The following RBFOX1 variants were observed in gnomAD, a reference collection of about 807,000 sequenced individuals.
The protein encoded by RBFOX1 is RNA binding fox-1 homolog 1.
Under a neutral mutation model 57.7 loss-of-function variants are expected in RBFOX1, and 8 were observed. That is an observed-to-expected ratio of 0.14 (90% confidence interval 0.08 to 0.25). The LOEUF is 0.25. Ranked by LOEUF, RBFOX1 falls within the 10% of genes least tolerant of loss-of-function variation. The pLI is 1.00. For missense variants in RBFOX1, 611 were observed against 548.5 expected, an observed-to-expected ratio of 1.11 and a Z score of -1.14; for synonymous variants, 326 against 222.4, an observed-to-expected ratio of 1.47 and a Z score of -4.15.
intron 3 of RBFOX1, among the ~76,000 whole-genome samples, chr16:6,868,889 G>C (rs2143003051): frequency 6.6e-6 from 1 of 152,270 alleles, no homozygotes; most frequent in Admixed American, 6.5e-5. Context: ...CTTTCTCATA[G>C]GTGGATGCTT....
At chr16:5,433,996 ACCCCAGT>A (rs1325044128) in intron 1 of RBFOX1, among the ~76,000 whole-genome samples, 7 of 150,834 alleles carry the variant, frequency 4.6e-5, no homozygotes, top group Non-Finnish European at 8.8e-5. Context: ...TCCTGGGTCC[ACCCCAGT>A]CCTATCCAGT....
chr16:6,165,645 C>T (rs760097820), intron 1 of RBFOX1, among the ~76,000 whole-genome samples: 1 of 152,178 alleles, frequency 6.6e-6, no homozygotes, highest in Non-Finnish European at 1.5e-5. Flanking sequence ...CTGCCTGCTT[C>T]GTTTGAATTT....
At chr16:5,788,983 A>G (rs192968955) in intron 3 of RBFOX1, among the ~76,000 whole-genome samples, 43 of 152,268 alleles carry the variant, frequency 2.8e-4, no homozygotes, top group Middle Eastern at 6.8e-3. Flanking sequence ...GTGGGAGTCA[A>G]TGCTCTTCCA....
intron 4 of RBFOX1, among the ~76,000 whole-genome samples, chr16:5,950,444 C>T (rs1055037332): frequency 1.3e-5 from 2 of 152,176 alleles, no homozygotes; most frequent in Non-Finnish European, 2.9e-5. Flanking sequence ...GGGTTTCAAA[C>T]TCTTATGGTC....
At chr16:7,599,413 A>C (rs1289652597) in intron 9 of RBFOX1, among the ~76,000 whole-genome samples, 1 of 152,122 alleles carries the variant, frequency 6.6e-6, no homozygotes, top group Non-Finnish European at 1.5e-5. Flanking sequence ...TAAAAGAGTT[A>C]TTGATCAATT....
intron 1 of RBFOX1, among the ~76,000 whole-genome samples, chr16:5,394,217 C>T (rs773408673): frequency 2.6e-5 from 4 of 151,902 alleles, no homozygotes; most frequent in Middle Eastern, 3.2e-3. Flanking sequence ...AGAGACAGGG[C>T]TTCACCATGT....
chr16:6,676,606 A>T (rs1171738610), intron 3 of RBFOX1, among the ~76,000 whole-genome samples: 1 of 151,156 alleles, frequency 6.6e-6, no homozygotes, highest in African/African-American at 2.4e-5. Context: ...GGAAAAAAGG[A>T]TACCAGGAGC....
chr16:6,120,611 A>G (rs1249153667), intron 1 of RBFOX1, among the ~76,000 whole-genome samples: 3 of 152,318 alleles, frequency 2.0e-5, no homozygotes, highest in South Asian at 2.1e-4. Context: ...ATATAAAGAA[A>G]TCATCTTGGC....
At chr16:6,156,163 T>C (rs7195166) in intron 1 of RBFOX1, among the ~76,000 whole-genome samples, 89,989 of 152,050 alleles carry the variant, frequency 0.59, 27,780 homozygotes, top group African/African-American at 0.72. Context: ...TAAGAATCAG[T>C]GTCCCTTTAT....
At chr16:7,539,672 C>G (rs893226119) in intron 5 of RBFOX1, among the ~76,000 whole-genome samples, 2 of 152,172 alleles carry the variant, frequency 1.3e-5, no homozygotes, top group African/African-American at 4.8e-5. Flanking sequence ...GATACCGAGA[C>G]TGTTTCTGGC....
intron 2 of RBFOX1, among the ~76,000 whole-genome samples, chr16:6,593,483 T>G (rs1424630174): frequency 6.6e-6 from 1 of 152,182 alleles, no homozygotes; most frequent in Non-Finnish European, 1.5e-5. Flanking sequence ...CCAGTTTTCC[T>G]TGTACTAGAG....
At chr16:6,944,251 C>T (rs1451185091) in intron 3 of RBFOX1, among the ~76,000 whole-genome samples, 1 of 151,860 alleles carries the variant, frequency 6.6e-6, no homozygotes, top group Non-Finnish European at 1.5e-5. Flanking sequence ...AAAAATAAGC[C>T]AGGCATGGTG....
chr16:6,109,288 TA>T (rs1310967741), intron 1 of RBFOX1, among the ~76,000 whole-genome samples: 1 of 152,222 alleles, frequency 6.6e-6, no homozygotes, highest in Non-Finnish European at 1.5e-5. Flanking sequence ...GATCAATATG[TA>T]ATATTTATAT....
At chr16:7,260,037 G>T (rs1472300781) in intron 4 of RBFOX1, among the ~76,000 whole-genome samples, 2 of 152,098 alleles carry the variant, frequency 1.3e-5, no homozygotes, top group East Asian at 3.8e-4. Context: ...TTGTTTATAA[G>T]CTCCATAAGA....
chr16:5,432,937 C>A (rs1055708306), intron 1 of RBFOX1, among the ~76,000 whole-genome samples: 1 of 152,142 alleles, frequency 6.6e-6, no homozygotes, highest in Non-Finnish European at 1.5e-5. Context: ...AGGCCCACAC[C>A]ACCACTCCTG....
At chr16:6,833,660 G>C (rs931788643) in intron 3 of RBFOX1, among the ~76,000 whole-genome samples, 3 of 152,150 alleles carry the variant, frequency 2.0e-5, no homozygotes, top group Non-Finnish European at 4.4e-5. Context: ...CTTCCCATTG[G>C]CACCTAGAAT....
chr16:6,618,663 A>T (rs981558682), intron 2 of RBFOX1, among the ~76,000 whole-genome samples: 2 of 152,186 alleles, frequency 1.3e-5, no homozygotes, highest in African/African-American at 4.8e-5. Context: ...CTGGCTTTCA[A>T]ATTCACATCA....
intron 4 of RBFOX1, among the ~76,000 whole-genome samples, chr16:5,959,976 G>A (rs544160605): frequency 6.6e-6 from 1 of 152,170 alleles, no homozygotes; most frequent in African/African-American, 2.4e-5. Context: ...AGAGGCGGGG[G>A]GATCACCTGA....
intron 1 of RBFOX1, among the ~76,000 whole-genome samples, chr16:6,282,128 C>G (rs1295309305): frequency 6.6e-6 from 1 of 152,112 alleles, no homozygotes; most frequent in Non-Finnish European, 1.5e-5. Flanking sequence ...TTAATTTTTG[C>G]AGAAGCTCTC....
Sources: gnomAD v4.1 joint callset for allele counts (sites outside exome capture counted in the v4.1 genomes callset) on GRCh38, gnomAD v4.1.1 for gene constraint, MANE v1.5 for transcripts, NCBI Gene and HGNC (gene_info 2026-07-23, HGNC 2026-07-21) for gene names.